Variants in NRG3 observed in about 807,000 individuals in gnomAD.
NRG3 encodes the protein neuregulin 3.
A neutral mutation model predicts 66.9 loss-of-function variants in NRG3; 31 were observed. The observed-to-expected ratio is 0.46, with a 90% CI of 0.35 to 0.63. NRG3 has a LOEUF of 0.63. NRG3 is among the 20% of genes least tolerant of loss of function. NRG3 has a pLI of 0.00. For missense variants in NRG3, 910 were observed against 878.9 expected (o/e 1.04, Z -0.45); for synonymous variants, 393 against 359.4 (o/e 1.09, Z -1.06).
intron 1 of NRG3, among the ~76,000 whole-genome samples, chr10:82,028,665 T>C (rs376445821): frequency 6.6e-6 from 1 of 152,122 alleles, no homozygotes; most frequent in South Asian, 2.1e-4. Flanking sequence ...TCTTTACTTA[T>C]ACAAACCCTC....
chr10:82,393,196 G>T (rs2086499787), intron 2 of NRG3, among the ~76,000 whole-genome samples: 1 of 152,138 alleles, frequency 6.6e-6, no homozygotes, highest in Admixed American at 6.6e-5. Flanking sequence ...TTGTGTAGTT[G>T]CCTTAAGTAG....
intron 3 of NRG3, among the ~76,000 whole-genome samples, chr10:82,758,942 A>C (rs373209006): frequency 2.6e-5 from 4 of 151,956 alleles, no homozygotes; most frequent in Admixed American, 2.0e-4. Context: ...TCACCACCCA[A>C]ATCAAGCCAC....
chr10:82,422,051 G>A (rs940949147), intron 2 of NRG3, among the ~76,000 whole-genome samples: 2 of 151,978 alleles, frequency 1.3e-5, no homozygotes, highest in East Asian at 1.9e-4. Context: ...ATATATGATC[G>A]TTTAGTTAAG....
intron 2 of NRG3, among the ~76,000 whole-genome samples, chr10:82,505,904 A>C (rs1330067941): frequency 6.6e-6 from 1 of 152,222 alleles, no homozygotes; most frequent in Non-Finnish European, 1.5e-5. Context: ...AGAGTGCTAC[A>C]AGGATTTTTA....
At chr10:82,710,157 G>T (rs950715237) in intron 2 of NRG3, among the ~76,000 whole-genome samples, 3 of 152,320 alleles carry the variant, frequency 2.0e-5, no homozygotes, top group Non-Finnish European at 4.4e-5. Context: ...AAGTATGCAA[G>T]TTCCTTTGTT....
chr10:82,453,135 GATTATT>G (rs981926077), intron 2 of NRG3, among the ~76,000 whole-genome samples: 9 of 151,928 alleles, frequency 5.9e-5, no homozygotes, highest in African/African-American at 1.4e-4. Context: ...CTACCTTACA[GATTATT>G]ATTATTATTA....
At chr10:82,016,554 G>C (rs1324148827) in intron 1 of NRG3, among the ~76,000 whole-genome samples, 1 of 152,090 alleles carries the variant, frequency 6.6e-6, no homozygotes, top group East Asian at 1.9e-4. Context: ...AATAGGCTTA[G>C]GACAGGTGTC....
intron 1 of NRG3, among the ~76,000 whole-genome samples, chr10:82,094,115 AAG>A (rs1245716893): frequency 6.6e-6 from 1 of 152,198 alleles, no homozygotes; most frequent in African/African-American, 2.4e-5. Context: ...TTCATATTGA[AAG>A]AGACTTTGAG....
At chr10:82,783,687 A>G (rs867110959) in intron 3 of NRG3, among the ~76,000 whole-genome samples, 214 of 152,228 alleles carry the variant, frequency 1.4e-3, no homozygotes, top group African/African-American at 4.7e-3. Flanking sequence ...ACTACAAACC[A>G]CTGCTCAATG....
chr10:82,026,801 A>G (rs1257165812), intron 1 of NRG3, among the ~76,000 whole-genome samples: 1 of 151,994 alleles, frequency 6.6e-6, no homozygotes, highest in Non-Finnish European at 1.5e-5. Flanking sequence ...CATCATTTTC[A>G]TAATAACTTT....
At chr10:82,304,943 C>T (rs2080628720) in intron 1 of NRG3, among the ~76,000 whole-genome samples, 1 of 145,974 alleles carries the variant, frequency 6.9e-6, no homozygotes, top group Non-Finnish European at 1.5e-5. Context: ...TGAAATTTCT[C>T]ATCTTCTGGT....
At chr10:81,974,040 G>T (rs894612441) in intron 1 of NRG3, among the ~76,000 whole-genome samples, 1 of 152,018 alleles carries the variant, frequency 6.6e-6, no homozygotes, top group Admixed American at 6.6e-5. Flanking sequence ...TATAGTTTTG[G>T]GTTTTACATT....
chr10:81,954,773 A>C (rs17098812), intron 1 of NRG3, among the ~76,000 whole-genome samples: 15,309 of 152,222 alleles, frequency 0.1, 1,060 homozygotes, highest in African/African-American at 0.19. Context: ...TGAATGCCAA[A>C]ATCCAGGAAA....
At chr10:82,754,711 T>C (rs1159425582) in intron 3 of NRG3, among the ~76,000 whole-genome samples, 3 of 152,142 alleles carry the variant, frequency 2.0e-5, no homozygotes, top group Non-Finnish European at 1.5e-5. Context: ...CTGTTCTATG[T>C]AGCTTTATTT....
chr10:82,927,636 TTC>T (rs1475859085), intron 4 of NRG3, among the ~76,000 whole-genome samples: 2 of 152,146 alleles, frequency 1.3e-5, no homozygotes, highest in African/African-American at 2.4e-5. Context: ...GAATGATGGT[TTC>T]CAGCTTCATC....
At chr10:82,946,290 C>T (rs1355511190) in intron 4 of NRG3, among the ~76,000 whole-genome samples, 1 of 151,306 alleles carries the variant, frequency 6.6e-6, no homozygotes, top group Non-Finnish European at 1.5e-5. Flanking sequence ...CCTGTAATCC[C>T]AGCACTTTGG....
At chr10:82,335,353 A>G (rs1464803366) in intron 1 of NRG3, among the ~76,000 whole-genome samples, 1 of 152,178 alleles carries the variant, frequency 6.6e-6, no homozygotes, top group Non-Finnish European at 1.5e-5. Context: ...AAGCAACTAT[A>G]TTAGACAACC....
At chr10:82,548,805 C>T (rs779003857) in intron 2 of NRG3, among the ~76,000 whole-genome samples, 5 of 151,966 alleles carry the variant, frequency 3.3e-5, no homozygotes, top group South Asian at 2.1e-4. Context: ...AACCCAAAAG[C>T]ACAGGCAGAA....
At position 82,257,517 on chromosome 10, in the gene NRG3, C is replaced by A. The variant is rs559486942; in HGVS notation, c.824-101222C>A. 6.8e-4 allele frequency among the ~76,000 whole-genome samples: 103 copies of A among 152,232 alleles called. No individual in the cohort carries two copies. The East Asian group carries it at 0.015, about 23-fold the overall frequency. ...GAGCGTGGTGGCTCATGCCTGTAAT[C>A]CCAGCACTTTGGGAGGCTGAGGCAG... is the stretch of plus-strand genomic sequence containing the variant. On this transcript the variant is annotated intron_variant, in intron 1 of 8. Transcript: ENST00000372141.
Sources: allele counts gnomAD v4.1 joint callset (sites outside exome capture counted in the v4.1 genomes callset), GRCh38; gene constraint gnomAD v4.1.1; transcripts MANE v1.5; gene names NCBI Gene and HGNC (gene_info 2026-07-23, HGNC 2026-07-21).